The following RHBDF2 variants were observed in gnomAD, a reference collection of about 807,000 sequenced individuals.
The protein encoded by RHBDF2 is rhomboid 5 homolog 2.
In RHBDF2, 38 loss-of-function variants were observed where a neutral mutation model predicts 95.2. That is an observed-to-expected ratio of 0.40 (90% CI 0.31 to 0.52). The LOEUF is 0.52. Ranked by LOEUF, RHBDF2 falls within the 20% of genes least tolerant of loss-of-function variation. The pLI is 0.56. For synonymous variants in RHBDF2, 442 were observed against 462.0 expected, an observed-to-expected ratio of 0.96 and a Z score of 0.55; for missense variants, 863 against 1,137.7, an observed-to-expected ratio of 0.76 and a Z score of 3.47.
At chr17:76,486,398 C>G (rs1184981755) in intron 2 of RHBDF2, among the ~76,000 whole-genome samples, 4 of 152,148 alleles carry the variant, frequency 2.6e-5, no homozygotes, top group Non-Finnish European at 5.9e-5. Flanking sequence ...AGCCACTGTG[C>G]CCAGCCTCTG....
intron 1 of RHBDF2, among the ~76,000 whole-genome samples, chr17:76,491,151 G>C (rs1198290574): frequency 6.6e-6 from 1 of 152,084 alleles, no homozygotes; most frequent in African/African-American, 2.4e-5. Context: ...GGCCAGGATG[G>C]AGGACGCTGC....
rs774762832 is a variant in RHBDF2 at position 76,471,043 on chromosome 17, G to A, written c.*590C>T. On this transcript the variant is annotated 3_prime_UTR_variant, in exon 19 of 19. Coordinates refer to ENST00000675367, the MANE Select transcript of RHBDF2 (RefSeq NM_001005498.4). ...TGGGAGCAGGCCCTGGGGTGGCTCC[G>A]CCCAGTGTCGTTCTACCTGAGGTCT... 12 of 153,790 alleles carry A rather than the reference G, an allele frequency of 7.8e-5. No individual in the cohort carries two copies. The highest frequency in any genetic ancestry group is 1.0e-4 in the Non-Finnish European group (7 of 69,190). 9.5% of individuals were successfully genotyped at this position (153,790 alleles called of 1,614,324 possible).
At position 76,497,202 on chromosome 17, in the gene RHBDF2, G is replaced by T. The variant is rs565895174; in HGVS notation, c.-220+4151C>A. Among the ~76,000 whole-genome samples the T allele has an allele frequency of 3.3e-5, 5 of 152,174 alleles. No individual in the cohort carries two copies. In the East Asian group the frequency reaches 9.7e-4, roughly 30 times the overall value. On this transcript the variant is annotated intron_variant, in intron 1 of 18. Transcript: ENST00000675367. ...CAGGGTTGGCGGCCACACGGGGGAG[G>T]CAGAGGAGAAAACCAAGACTTGAGG...
chr17:76,491,491 G>A (rs1361441599), intron 1 of RHBDF2, among the ~76,000 whole-genome samples: 2 of 152,188 alleles, frequency 1.3e-5, no homozygotes, highest in Non-Finnish European at 2.9e-5. Context: ...GGGCCAGGGC[G>A]GGTGGGCATG....
rs960309504 is a variant in RHBDF2 at position 76,472,167 on chromosome 17, G to A, written c.2065-115C>T. The A allele has an allele frequency of 1.9e-5, 19 of 1,008,950 alleles. No homozygotes were observed. In the African/African-American group the frequency reaches 2.9e-4, roughly 16 times the overall value. 62.5% of individuals were successfully genotyped at this position (1,008,950 alleles called of 1,614,324 possible). ...CTCCCTGGCAGGCATGGGGACCCCT[G>A]AGGCTGAGGGGCAGGGGGTCGGCTG... On this transcript the variant is annotated intron_variant, in intron 18 of 18. Transcript: ENST00000675367.
At position 76,471,261 on chromosome 17, in the gene RHBDF2, A is replaced by C; in HGVS notation, c.*372T>G. ...GTCCCCAGCAAGGGCACGCTCCAGT[A>C]GTAGTGGGGGAGAAGGCACCAGCAG... On this transcript the variant is annotated 3_prime_UTR_variant, in exon 19 of 19. Coordinates refer to ENST00000675367, the MANE Select transcript of RHBDF2 (RefSeq NM_001005498.4). 4.5e-6 allele frequency: 1 copy of C among 223,724 alleles called. No homozygotes were observed. Among genetic ancestry groups the C allele is most frequent in the Non-Finnish European group, 8.9e-6 (1 of 112,284 alleles). 13.9% of individuals were successfully genotyped at this position (223,724 alleles called of 1,614,324 possible).
chr17:76,489,902 G>A (rs1314641697), intron 1 of RHBDF2, among the ~76,000 whole-genome samples: 2 of 152,148 alleles, frequency 1.3e-5, no homozygotes, highest in Non-Finnish European at 2.9e-5. Context: ...TGGCTCCAGG[G>A]CCTGGAGGCT....
intron 10 of RHBDF2, 74 bp downstream of exon 10, chr17:76,474,956 G>T: frequency 6.9e-7 from 1 of 1,459,674 alleles, no homozygotes; most frequent in Non-Finnish European, 9.4e-7. Flanking sequence ...GCGGTGGGAG[G>T]GATTAGGTAC....
intron 8 of RHBDF2, 56 bp downstream of exon 8, chr17:76,477,124 G>A: frequency 6.2e-7 from 1 of 1,610,698 alleles, no homozygotes; most frequent in Non-Finnish European, 8.5e-7. Flanking sequence ...GTGAGGTCTG[G>A]GGATGCCCCC....
chr17:76,475,113 C>A lies in RHBDF2; in HGVS notation c.1144G>T (p.Val382Phe). 6.3e-7 allele frequency: 1 copy of A among 1,598,522 alleles called. No individual in the cohort carries two copies. The highest frequency in any genetic ancestry group is 8.5e-7 in the Non-Finnish European group (1 of 1,173,554). ...RPYFTYWLTFVHVIITLLVIC... is the reference protein window; with the variant it reads ...RPYFTYWLTFFHVIITLLVIC... ...ACCAGCAGCGTGATGATGACATGGACGAAGGTCAGCCAGTAGGTGAAGTAG... is the reference window on the plus strand; with the variant it reads ...ACCAGCAGCGTGATGATGACATGGAAGAAGGTCAGCCAGTAGGTGAAGTAG... The change falls in exon 10 of 19, where the codon GTC becomes TTC. Residue 382 changes from valine to phenylalanine, a missense_variant. By Grantham distance (50) the Val-to-Phe change is conservative. Coordinates refer to ENST00000675367, the MANE Select transcript of RHBDF2 (RefSeq NM_001005498.4).
At chr17:76,494,644 G>C (rs917424379) in intron 1 of RHBDF2, among the ~76,000 whole-genome samples, 18 of 152,132 alleles carry the variant, frequency 1.2e-4, no homozygotes, top group African/African-American at 3.4e-4. Flanking sequence ...CCCAGCTACT[G>C]AGGAGGCTGA....
intron 1 of RHBDF2, among the ~76,000 whole-genome samples, chr17:76,488,413 T>C (rs1368957812): frequency 6.6e-6 from 1 of 152,006 alleles, no homozygotes; most frequent in Non-Finnish European, 1.5e-5. Flanking sequence ...GGCAGGAGAA[T>C]TGCTTGAACC....
At chr17:76,477,397 C>A in intron 7 of RHBDF2, 99 bp from the exon 8 acceptor site, 1 of 1,411,664 alleles carries the variant, frequency 7.1e-7, no homozygotes, top group South Asian at 1.4e-5. Context: ...AACAGACGGG[C>A]TCTTCACAAT....
chr17:76,485,888 T>C (rs2074112744), intron 2 of RHBDF2, among the ~76,000 whole-genome samples: 1 of 152,002 alleles, frequency 6.6e-6, no homozygotes, highest in South Asian at 2.1e-4. Flanking sequence ...CATGAGTCCA[T>C]TCATATGAAA....
intron 1 of RHBDF2, among the ~76,000 whole-genome samples, chr17:76,497,361 C>G (rs1383547776): frequency 6.6e-6 from 1 of 152,166 alleles, no homozygotes; most frequent in Admixed American, 6.5e-5. Flanking sequence ...AACCCCTGGG[C>G]AGAGGTCAGC....
chr17:76,486,952 C>CCT (rs1555618099), intron 2 of RHBDF2, among the ~76,000 whole-genome samples: 1 of 72,598 alleles, frequency 1.4e-5, no homozygotes, highest in Non-Finnish European at 2.5e-5. Flanking sequence ...CGCTTCCTGC[C>CCT]TTTTTTTTTT....
intron 2 of RHBDF2, among the ~76,000 whole-genome samples, chr17:76,484,617 T>C (rs1057032567): frequency 3.3e-5 from 5 of 151,628 alleles, no homozygotes; most frequent in African/African-American, 1.2e-4. Flanking sequence ...GCAGCTGGGG[T>C]CACCTCCCAA....
rs771102373 is a variant in RHBDF2, at chr17:76,479,407, G to A, written c.273-130C>T. The A allele has an allele frequency of 3.0e-6, 4 of 1,335,948 alleles. No individual in the cohort carries two copies. In the African/African-American group the frequency reaches 4.3e-5, roughly 15 times the overall value. 82.8% of individuals were successfully genotyped at this position (1,335,948 alleles called of 1,614,324 possible). A position where few individuals can be genotyped will look rare whatever the true frequency, so the allele number is the denominator to read the frequency against. ...AGGTGGGGGGCGGATCTGCCTGTGA[G>A]GCCCCTGGCTGGAGCCCAGTGACCA... On this transcript the variant is annotated intron_variant, in intron 4 of 18. Transcript: ENST00000675367.
chr17:76,479,686 C>T (rs1373763752), intron 4 of RHBDF2, 47 bp downstream of exon 4: 4 of 1,456,868 alleles, frequency 2.7e-6, no homozygotes, highest in Admixed American at 1.8e-5. Context: ...CGAGAATCCA[C>T]AGGTTGCTGG....
Sources: gnomAD v4.1 joint callset for allele counts (sites outside exome capture counted in the v4.1 genomes callset) on GRCh38, gnomAD v4.1.1 for gene constraint, MANE v1.5 for transcripts, NCBI Gene and HGNC (gene_info 2026-07-23, HGNC 2026-07-21) for gene names.